GRM5: variants seen among roughly 807,000 people sequenced by gnomAD.
GRM5 encodes glutamate metabotropic receptor 5.
A neutral mutation model predicts 83.1 loss-of-function variants in GRM5; 19 were observed. That is an observed-to-expected ratio of 0.23 (90% CI 0.16 to 0.34). The LOEUF (loss-of-function observed/expected upper bound fraction) is 0.34. Ranked by LOEUF, GRM5 falls within the 10% of genes least tolerant of loss-of-function variation. The probability of loss-of-function intolerance (pLI) is 1.00; values close to 1 mark genes in which losing one functional copy is unlikely to be tolerated. For synonymous variants in GRM5, 675 were observed against 633.6 expected, an observed-to-expected ratio of 1.07 and a Z score of -0.98; for missense variants, 1,160 against 1,588.3, an observed-to-expected ratio of 0.73 and a Z score of 4.58.
chr11:88,896,986 A>C (rs1262787807), intron 2 of GRM5, among the ~76,000 whole-genome samples: 1 of 151,986 alleles, frequency 6.6e-6, no homozygotes, highest in African/African-American at 2.4e-5. Context: ...AGATCCTTTT[A>C]GGGCAACATC....
At chr11:89,006,757 T>C (rs1305168314) in intron 2 of GRM5, among the ~76,000 whole-genome samples, 1 of 152,172 alleles carries the variant, frequency 6.6e-6, no homozygotes, top group Non-Finnish European at 1.5e-5. Context: ...TCTCCCACTT[T>C]GCCTATATAA....
chr11:88,957,927 T>G (rs1938672252), intron 2 of GRM5, among the ~76,000 whole-genome samples: 1 of 152,328 alleles, frequency 6.6e-6, no homozygotes, highest in Non-Finnish European at 1.5e-5. Flanking sequence ...TTTTAAATTC[T>G]AATTGTGTTT....
chr11:88,675,275 C>T (rs1245841897), intron 3 of GRM5, among the ~76,000 whole-genome samples: 3 of 151,974 alleles, frequency 2.0e-5, no homozygotes, highest in African/African-American at 7.2e-5. Context: ...CTATTTCATT[C>T]CATTGTCCTA....
chr11:88,783,277 C>T (rs1943007263), intron 3 of GRM5, among the ~76,000 whole-genome samples: 1 of 152,070 alleles, frequency 6.6e-6, no homozygotes, highest in African/African-American at 2.4e-5. Context: ...TATAGTCAGA[C>T]CTGAATCTTT....
chr11:88,757,594 C>T (rs1471313265), intron 3 of GRM5, among the ~76,000 whole-genome samples: 1 of 152,052 alleles, frequency 6.6e-6, no homozygotes, highest in African/African-American at 2.4e-5. Flanking sequence ...ATGTCCCACC[C>T]CCCTGCTAAC....
At chr11:88,681,048 C>G (rs973438854) in intron 3 of GRM5, among the ~76,000 whole-genome samples, 2 of 152,092 alleles carry the variant, frequency 1.3e-5, no homozygotes, top group African/African-American at 4.8e-5. Context: ...TCTTCATTGT[C>G]TCTACACCTC....
At chr11:89,052,182 G>T (rs1941775630) in intron 1 of GRM5, among the ~76,000 whole-genome samples, 1 of 152,166 alleles carries the variant, frequency 6.6e-6, no homozygotes, top group Non-Finnish European at 1.5e-5. Context: ...TGTCAAACAG[G>T]AAAGTGAATA....
At chr11:88,605,446 T>C (rs192407082) in intron 4 of GRM5, among the ~76,000 whole-genome samples, 25 of 151,914 alleles carry the variant, frequency 1.6e-4, no homozygotes, top group African/African-American at 5.8e-4. Context: ...ACCCAGTACG[T>C]CTAATCTCAA....
intron 2 of GRM5, among the ~76,000 whole-genome samples, chr11:88,885,403 T>A (rs1488425791): frequency 1.3e-5 from 2 of 149,740 alleles, no homozygotes. Context: ...GATTTTTAAA[T>A]TACAGTCATC....
intron 4 of GRM5, among the ~76,000 whole-genome samples, chr11:88,649,985 A>T (rs1168966906): frequency 6.6e-6 from 1 of 151,858 alleles, no homozygotes; most frequent in African/African-American, 2.4e-5. Flanking sequence ...TGCAAAAAAA[A>T]TTCTGAAGGG....
rs181432436 is a variant in GRM5, at chr11:89,015,104, T to A, written c.661+32108A>T. Among the ~76,000 whole-genome samples the A allele has an allele frequency of 8.5e-5, 13 of 152,322 alleles. 1 individual carries two copies. In the East Asian group the frequency reaches 2.5e-3, roughly 29 times the overall value. On this transcript the variant is annotated intron_variant, in intron 2 of 9. Coordinates refer to ENST00000305447, the MANE Select transcript of GRM5 (RefSeq NM_001143831.3). ...TGTCAAAAGGATGTGAGTTTACATA[T>A]TACATAACTTAATATTTATTTGAAC...
chr11:88,975,745 T>A lies in GRM5; in HGVS notation c.661+71467A>T, dbSNP rs1250481217. Among the ~76,000 whole-genome samples, 3 of 152,334 alleles carry A rather than the reference T, an allele frequency of 2.0e-5. No individual in the cohort carries two copies. In the East Asian group the frequency reaches 5.8e-4, roughly 29 times the overall value. ...TGCCATCTAAATGTATTATATAACA[T>A]GTTGTTTCATTTCTGTTAAAATGAC... is the stretch of plus-strand genomic sequence containing the variant. On this transcript the variant is annotated intron_variant, in intron 2 of 9. Coordinates refer to ENST00000305447, the MANE Select transcript of GRM5 (RefSeq NM_001143831.3).
At chr11:88,521,242 C>T (rs1941679352) in intron 9 of GRM5, among the ~76,000 whole-genome samples, 1 of 152,028 alleles carries the variant, frequency 6.6e-6, no homozygotes, top group Non-Finnish European at 1.5e-5. Context: ...ATAGTGAAAC[C>T]CCGTCTCTAC....
At chr11:88,740,507 T>C (rs1445590113) in intron 3 of GRM5, among the ~76,000 whole-genome samples, 1 of 152,046 alleles carries the variant, frequency 6.6e-6, no homozygotes, top group Non-Finnish European at 1.5e-5. Flanking sequence ...TTAATTGTCA[T>C]AGTAACCATA....
At chr11:88,813,208 C>T (rs1047577174) in intron 3 of GRM5, among the ~76,000 whole-genome samples, 6 of 151,994 alleles carry the variant, frequency 3.9e-5, no homozygotes, top group African/African-American at 1.5e-4. Flanking sequence ...TTTTAAATAC[C>T]GTCTTTTAGT....
At chr11:88,684,731 G>A (rs115813141) in intron 3 of GRM5, among the ~76,000 whole-genome samples, 2,294 of 152,218 alleles carry the variant, frequency 0.015, 54 homozygotes, top group African/African-American at 0.052. Flanking sequence ...CAGTTCCCCC[G>A]ATACTGTTCT....
At chr11:88,752,390 A>G (rs938136267) in intron 3 of GRM5, among the ~76,000 whole-genome samples, 1 of 152,110 alleles carries the variant, frequency 6.6e-6, no homozygotes, top group African/African-American at 2.4e-5. Flanking sequence ...GAATACAGTT[A>G]ACATGGGAAG....
intron 2 of GRM5, among the ~76,000 whole-genome samples, chr11:89,040,922 A>T (rs1445915099): frequency 6.6e-6 from 1 of 152,160 alleles, no homozygotes; most frequent in Non-Finnish European, 1.5e-5. Flanking sequence ...GTTGGGCAGA[A>T]TTTACTGTGC....
intron 2 of GRM5, among the ~76,000 whole-genome samples, chr11:88,952,582 T>C (rs1475295429): frequency 6.6e-6 from 1 of 152,048 alleles, no homozygotes; most frequent in Non-Finnish European, 1.5e-5. Flanking sequence ...CTACTACCTC[T>C]TGTAAATTCC....
Sources: gnomAD v4.1 joint callset for allele counts (sites outside exome capture counted in the v4.1 genomes callset) on GRCh38, gnomAD v4.1.1 for gene constraint, MANE v1.5 for transcripts, NCBI Gene and HGNC (gene_info 2026-07-23, HGNC 2026-07-21) for gene names.